Variants in TMEM192 observed in about 807,000 individuals in gnomAD.
TMEM192 encodes the protein transmembrane protein 192.
In TMEM192, 20 loss-of-function variants were observed where a neutral mutation model predicts 26.7. The ratio of observed to expected loss-of-function variants is 0.75; its 90% CI spans 0.53 to 1.09. The LOEUF is 1.09. Among genes scored for constraint, TMEM192 ranks in the 50% least tolerant of loss-of-function variants. The probability of loss-of-function intolerance (pLI) is 0.00; values close to 1 mark genes in which losing one functional copy is unlikely to be tolerated. For synonymous variants in TMEM192, 124 were observed against 121.0 expected (o/e 1.02, Z -0.16); for missense variants, 304 against 322.6 (o/e 0.94, Z 0.44).
chr4:165,101,179 T>C (rs1735032537), intron 2 of TMEM192, among the ~76,000 whole-genome samples: 1 of 151,630 alleles, frequency 6.6e-6, no homozygotes. Flanking sequence ...GGTTTCACCA[T>C]GTTAGCCAGG....
intron 5 of TMEM192, among the ~76,000 whole-genome samples, chr4:165,084,590 T>C (rs1426343836): frequency 6.6e-6 from 1 of 151,870 alleles, no homozygotes; most frequent in African/African-American, 2.4e-5. Flanking sequence ...CCAGATTATA[T>C]AGATCCAAAA....
intron 1 of TMEM192, among the ~76,000 whole-genome samples, chr4:165,110,841 C>T (rs567982668): frequency 6.6e-6 from 1 of 152,338 alleles, no homozygotes; most frequent in East Asian, 1.9e-4. Flanking sequence ...ACCCTATAGC[C>T]TTTCGAATAC....
At position 165,090,824 on chromosome 4, in the gene TMEM192, G is replaced by T. The variant is rs938236646; in HGVS notation, c.440-2222C>A. ...GAGGCTGACACAGGAGAATCACTTG[G>T]TCCCGGAAGGTGGAGGTTGCAGTGA... On this transcript the variant is annotated intron_variant, in intron 3 of 5. Transcript: ENST00000306480. Among the ~76,000 whole-genome samples, 13 of 147,180 alleles carry T rather than the reference G, an allele frequency of 8.8e-5. No homozygotes were observed. In the Admixed American group the frequency reaches 9.5e-4, roughly 11 times the overall value.
At chr4:165,087,509 G>T (rs940088429) in intron 4 of TMEM192, among the ~76,000 whole-genome samples, 4 of 152,218 alleles carry the variant, frequency 2.6e-5, no homozygotes, top group African/African-American at 9.6e-5. Flanking sequence ...AGTGGATGCA[G>T]GCTGGTATTG....
At chr4:165,104,604 C>A (rs1216725731) in intron 1 of TMEM192, among the ~76,000 whole-genome samples, 1 of 152,138 alleles carries the variant, frequency 6.6e-6, no homozygotes, top group African/African-American at 2.4e-5. Context: ...AATCTCGGCT[C>A]ATTGCAACTT....
intron 4 of TMEM192, 79 bp from the exon 5 acceptor site, chr4:165,085,767 C>T (rs1734599885): frequency 4.7e-6 from 5 of 1,064,610 alleles, no homozygotes; most frequent in Non-Finnish European, 4.2e-6. Context: ...GCTAATTTGC[C>T]GTTCTTATTA....
intron 5 of TMEM192, among the ~76,000 whole-genome samples, chr4:165,081,395 T>G (rs1026382287): frequency 2.6e-5 from 4 of 151,888 alleles, no homozygotes; most frequent in Non-Finnish European, 5.9e-5. Context: ...TCTATTTTTT[T>G]TTTTTTGAGA....
chr4:165,109,776 GC>G (rs2110804030), intron 1 of TMEM192, among the ~76,000 whole-genome samples: 1 of 152,266 alleles, frequency 6.6e-6, no homozygotes, highest in African/African-American at 2.4e-5. Context: ...GCCTAAATGA[GC>G]TTTCTATAGA....
chr4:165,098,292 T>G (rs991613927), intron 3 of TMEM192, among the ~76,000 whole-genome samples: 4 of 151,846 alleles, frequency 2.6e-5, no homozygotes, highest in Non-Finnish European at 5.9e-5. Flanking sequence ...GTTCAGCTAA[T>G]TTTTGTATTT....
Position 165,076,991 on chromosome 4 carries a change from G to C in TMEM192, c.*2667C>G, listed in dbSNP as rs1734398125. ...TTATTTTGTATTTTTAGTAAAGATG[G>C]GGTTTTACTATGTTGGCCAGGCTGG... On this transcript the variant is annotated 3_prime_UTR_variant, in exon 6 of 6. Transcript: ENST00000306480. 1 of 152,060 alleles carries C rather than the reference G, an allele frequency of 6.6e-6. No individual in the cohort carries two copies. Among genetic ancestry groups the C allele is most frequent in the African/African-American group, 2.4e-5 (1 of 41,382 alleles). 9.4% of individuals were successfully genotyped at this position (152,060 alleles called of 1,614,324 possible).
At chr4:165,090,213 G>GAAAAAA (rs35732863) in intron 3 of TMEM192, among the ~76,000 whole-genome samples, 2 of 52,080 alleles carry the variant, frequency 3.8e-5, no homozygotes, top group African/African-American at 6.9e-5. Context: ...CTCCGTCTTG[G>GAAAAAA]AAAAAAAAAA....
chr4:165,079,661 C>G lies in TMEM192; in HGVS notation c.813G>C (p.Thr271=). The change falls in exon 6 of 6, where the codon ACG becomes ACC. Residue 271 remains threonine, a synonymous_variant. Coordinates refer to ENST00000306480, the MANE Select transcript of TMEM192 (RefSeq NM_001100389.2). ...SSDLGCQPSR[T] ...TGCTGTCATGACCGTGAGCCTCTCA[C>G]GTTCTACTTGGCTGACAGCCCAGGT... 1.2e-6 allele frequency: 2 copies of G among 1,609,310 alleles called. No homozygotes were observed. The highest frequency in any genetic ancestry group is 1.7e-6 in the Non-Finnish European group (2 of 1,177,588).
chr4:165,111,060 T>C (rs1056450751), intron 1 of TMEM192, among the ~76,000 whole-genome samples: 1 of 152,106 alleles, frequency 6.6e-6, no homozygotes, highest in South Asian at 2.1e-4. Context: ...CAATATGTGG[T>C]TGGTAGCAAA....
chr4:165,096,322 T>C (rs1734901360), intron 3 of TMEM192, among the ~76,000 whole-genome samples: 1 of 151,884 alleles, frequency 6.6e-6, no homozygotes, highest in African/African-American at 2.4e-5. Flanking sequence ...GGAGAATCAG[T>C]TGAACCTGGG....
chr4:165,092,165 A>G (rs1237280275), intron 3 of TMEM192, among the ~76,000 whole-genome samples: 2 of 113,558 alleles, frequency 1.8e-5, no homozygotes, highest in Non-Finnish European at 3.3e-5. Context: ...TCTGCTGCCC[A>G]GGCTGGAGTG....
At chr4:165,098,136 T>A (rs1734955268) in intron 3 of TMEM192, among the ~76,000 whole-genome samples, 2 of 150,696 alleles carry the variant, frequency 1.3e-5, no homozygotes, top group South Asian at 4.2e-4. Flanking sequence ...GCCTTAATTT[T>A]TTTTTTAGAC....
chr4:165,097,264 G>A (rs1001498215), intron 3 of TMEM192, among the ~76,000 whole-genome samples: 1 of 152,092 alleles, frequency 6.6e-6, no homozygotes, highest in Non-Finnish European at 1.5e-5. Context: ...GGAGGCCGAG[G>A]CCGGCGGATC....
chr4:165,111,122 C>T (rs950392792), intron 1 of TMEM192, among the ~76,000 whole-genome samples: 5 of 152,142 alleles, frequency 3.3e-5, no homozygotes, highest in African/African-American at 1.2e-4. Context: ...GACAGAGTCT[C>T]GCTCTGTCGC....
Position 165,102,784 on chromosome 4 carries a change from C to CTT in TMEM192, c.174+164_174+165dup, listed in dbSNP as rs11315804. Reference sequence around the variant, plus strand: ...GAAGATATAAGTAAAAGTGTACGTACTTTTTTTTTTTTTTTTTTGCCCATG... The same window carrying CTT: ...GAAGATATAAGTAAAAGTGTACGTACTTTTTTTTTTTTTTTTTTTTGCCCATG... On this transcript the variant is annotated intron_variant, in intron 2 of 5. Coordinates refer to ENST00000306480, the MANE Select transcript of TMEM192 (RefSeq NM_001100389.2). 3.9e-3 allele frequency among the ~76,000 whole-genome samples: 506 copies of CTT among 130,778 alleles called. 6 individuals carry two copies. Among genetic ancestry groups the CTT allele is most frequent in the Non-Finnish European group, 4.6e-3 (294 of 63,554 alleles). 85.8% of individuals were successfully genotyped at this position (130,778 alleles called of 152,430 possible).
Sources: allele counts gnomAD v4.1 joint callset (sites outside exome capture counted in the v4.1 genomes callset), GRCh38; gene constraint gnomAD v4.1.1; transcripts MANE v1.5; gene names NCBI Gene and HGNC (gene_info 2026-07-23, HGNC 2026-07-21).